WWTR1: variants seen among roughly 807,000 people sequenced by gnomAD.
WWTR1 encodes WW domain-containing transcription regulator protein 1.
Under a neutral mutation model 40.1 loss-of-function variants are expected in WWTR1, and 13 were observed. The ratio of observed to expected loss-of-function variants is 0.32; its 90% CI spans 0.21 to 0.52. The LOEUF is 0.52. Ranked by LOEUF, WWTR1 falls within the 20% of genes least tolerant of loss-of-function variation. The pLI is 0.97. For missense variants in WWTR1, 436 were observed against 523.1 expected (o/e 0.83, Z 1.63); for synonymous variants, 230 against 210.1 (o/e 1.09, Z -0.82).
At chr3:149,595,479 A>G (rs1738954936) in intron 2 of WWTR1, among the ~76,000 whole-genome samples, 1 of 150,882 alleles carries the variant, frequency 6.6e-6, no homozygotes, top group Non-Finnish European at 1.5e-5. Context: ...GTAAAATATC[A>G]TATATTTTAT....
chr3:149,544,766 T>C (rs1231400746), intron 3 of WWTR1, among the ~76,000 whole-genome samples: 1 of 152,168 alleles, frequency 6.6e-6, no homozygotes, highest in Non-Finnish European at 1.5e-5. Flanking sequence ...CTGCCTTCAA[T>C]TGTTTGCAAG....
At chr3:149,720,483 G>A (rs937211133) in intron 4 of WWTR1, among the ~76,000 whole-genome samples, 1 of 151,932 alleles carries the variant, frequency 6.6e-6, no homozygotes, top group Non-Finnish European at 1.5e-5. Context: ...CTTTATGTGT[G>A]GTCTTTATGC....
chr3:149,521,363 T>C (rs760469071), intron 6 of WWTR1, among the ~76,000 whole-genome samples: 4 of 152,234 alleles, frequency 2.6e-5, no homozygotes, highest in African/African-American at 4.8e-5. Context: ...GGTTTACCCA[T>C]ACCATCCTTC....
chr3:149,681,474 T>C (rs1432197224), intron 1 of WWTR1, among the ~76,000 whole-genome samples: 2 of 152,230 alleles, frequency 1.3e-5, no homozygotes, highest in South Asian at 2.1e-4. Context: ...CATCTGTATG[T>C]CTTTATTTGG....
At chr3:149,678,589 G>A (rs1714349672) in intron 1 of WWTR1, among the ~76,000 whole-genome samples, 1 of 152,138 alleles carries the variant, frequency 6.6e-6, no homozygotes, top group Admixed American at 6.5e-5. Flanking sequence ...CCTGAGGCAA[G>A]TCGCCAAGCC....
Position 149,549,554 on chromosome 3 carries a change from G to A in WWTR1, c.569-7017C>T, listed in dbSNP as rs546517409. 5.9e-5 allele frequency among the ~76,000 whole-genome samples: 9 copies of A among 152,276 alleles called. No individual in the cohort carries two copies. The South Asian group carries it at 1.7e-3, about 28-fold the overall frequency. Reference sequence around the variant, plus strand: ...GGAGATATGATGAGTAAAGGTAATGGGGGCTGAGCGCCATGGCTCACGCCT... The same window carrying A: ...GGAGATATGATGAGTAAAGGTAATGAGGGCTGAGCGCCATGGCTCACGCCT... On this transcript the variant is annotated intron_variant, in intron 3 of 6. Coordinates refer to ENST00000360632, the MANE Select transcript of WWTR1 (RefSeq NM_015472.6).
At chr3:149,708,330 T>C (rs1438179361) in intron 5 of WWTR1, among the ~76,000 whole-genome samples, 1 of 152,240 alleles carries the variant, frequency 6.6e-6, no homozygotes, top group Non-Finnish European at 1.5e-5. Context: ...ATATACCTAA[T>C]ATAACATTTA....
chr3:149,693,653 T>G (rs1714891682), intron 1 of WWTR1, among the ~76,000 whole-genome samples: 1 of 151,950 alleles, frequency 6.6e-6, no homozygotes, highest in African/African-American at 2.4e-5. Context: ...TGGGACAGAA[T>G]AGAGAACCCA....
At position 149,520,957 on chromosome 3, in the gene WWTR1, T is replaced by C. The variant is rs1362048373; in HGVS notation, c.1051A>G (p.Asn351Asp). The C allele has an allele frequency of 4.3e-6, 7 of 1,610,950 alleles. 1 individual carries two copies. In the South Asian group the frequency reaches 7.8e-5, roughly 18 times the overall value. ...ENAGQTPMNI[N>D]PQQTRFPDFL... ...TCAGGGAAACGGGTCTGTTGGGGAT[T>C]GATGTTCATGGGTGTTTGTCCTGCG... The change falls in exon 7 of 7, where the codon AAT (asparagine) becomes GAT (aspartate). Residue 351 changes from asparagine (N) to aspartate (D), a missense_variant. Physicochemically the swap from Asn to Asp is conservative, Grantham distance 23. Transcript: ENST00000360632.
intron 2 of WWTR1, among the ~76,000 whole-genome samples, chr3:149,587,889 G>A (rs1470255989): frequency 2.0e-5 from 3 of 152,090 alleles, no homozygotes; most frequent in African/African-American, 4.8e-5. Flanking sequence ...GAAAACTTAC[G>A]GCGGGTTATT....
rs140416934 is a variant in WWTR1 at position 149,634,777 on chromosome 3, C to T, written c.431+22099G>A. Among the ~76,000 whole-genome samples, 770 of 152,350 alleles carry T rather than the reference C, an allele frequency of 5.1e-3. 5 individuals are homozygous for T. The highest frequency in any genetic ancestry group is 0.016 in the African/African-American group (675 of 41,580). ...CTCAGCTGGCATTCGCCCTTTCACA[C>T]GGATGTGCTTTCCAGACACTACCTC... On this transcript the variant is annotated intron_variant, in intron 2 of 6. Transcript: ENST00000360632.
At chr3:149,528,025 A>G (rs1735409920) in intron 4 of WWTR1, 56 bp from the exon 5 acceptor site, 1 of 1,576,640 alleles carries the variant, frequency 6.3e-7, no homozygotes, top group Admixed American at 1.9e-5. Flanking sequence ...GGCATGGAGC[A>G]AAGTGTACTT....
intron 1 of WWTR1, among the ~76,000 whole-genome samples, chr3:149,689,425 AG>A (rs1714752362): frequency 6.7e-6 from 1 of 150,298 alleles, no homozygotes; most frequent in Admixed American, 6.6e-5. Context: ...AAAAAAAAAA[AG>A]AATAACCCAA....
chr3:149,643,393 A>C (rs1247064491), intron 2 of WWTR1, among the ~76,000 whole-genome samples: 2 of 152,346 alleles, frequency 1.3e-5, no homozygotes, highest in South Asian at 2.1e-4. Flanking sequence ...AATTGTGACG[A>C]AGATTTTACC....
At chr3:149,560,951 G>T (rs1487821684) in intron 3 of WWTR1, among the ~76,000 whole-genome samples, 2 of 103,034 alleles carry the variant, frequency 1.9e-5, no homozygotes, top group East Asian at 8.6e-4. Context: ...TTAAAAGAAA[G>T]TAACACCCCC....
chr3:149,624,918 G>C (rs1171559936), intron 2 of WWTR1, among the ~76,000 whole-genome samples: 4 of 150,766 alleles, frequency 2.7e-5, no homozygotes, highest in African/African-American at 9.7e-5. Context: ...TTTAGTAGAG[G>C]TGGGGTTTCA....
chr3:149,523,768 C>G (rs1214839596), intron 6 of WWTR1, among the ~76,000 whole-genome samples: 3 of 152,200 alleles, frequency 2.0e-5, no homozygotes, highest in African/African-American at 7.2e-5. Flanking sequence ...TCTAGCCACA[C>G]TTGAGCTCTG....
Position 149,582,630 on chromosome 3 carries a change from C to G in WWTR1, c.432-9630G>C, listed in dbSNP as rs117903509. Among the ~76,000 whole-genome samples the G allele has an allele frequency of 2.0e-5, 3 of 151,804 alleles. No homozygotes were observed. In the East Asian group the frequency reaches 5.8e-4, roughly 29 times the overall value. On this transcript the variant is annotated intron_variant, in intron 2 of 6. Transcript: ENST00000360632. ...CCTGTGGTCCCAGCTTCTTGGGAGG[C>G]TGAAGCGGAAGATTACTTCAGCCTG...
At chr3:149,573,148 C>CA in intron 2 of WWTR1, 148 bp from the exon 3 acceptor site, 1 of 891,124 alleles carries the variant, frequency 1.1e-6, no homozygotes, top group Non-Finnish European at 1.6e-6. Context: ...CATCCAAGGA[C>CA]ATACTTGCCT....
Sources: gnomAD v4.1 joint callset for allele counts (sites outside exome capture counted in the v4.1 genomes callset) on GRCh38, gnomAD v4.1.1 for gene constraint, MANE v1.5 for transcripts, NCBI Gene and HGNC (gene_info 2026-07-23, HGNC 2026-07-21) for gene names.